USP39: variants seen among roughly 807,000 people sequenced by gnomAD.
USP39 encodes ubiquitin specific peptidase 39.
USP39 carries 38 observed loss-of-function variants against 66.4 expected under a neutral mutation model. The ratio of observed to expected loss-of-function variants is 0.57; its 90% CI spans 0.44 to 0.75. The LOEUF (loss-of-function observed/expected upper bound fraction) is 0.75. Among genes scored for constraint, USP39 ranks in the 30% least tolerant of loss-of-function variants. The pLI is 0.00. For missense variants in USP39, 608 were observed against 714.4 expected (o/e 0.85, Z 1.70); for synonymous variants, 303 against 274.6 (o/e 1.10, Z -1.02).
In USP39 at chr2:85,616,291, A is replaced by T; in HGVS notation, c.96A>T (p.Arg32=). The change falls in exon 1 of 13, where the codon CGA becomes CGT. Residue 32 remains arginine (R), a synonymous_variant. Coordinates refer to ENST00000323701, the MANE Select transcript of USP39 (RefSeq NM_006590.4). ...RGSSGRVKRE[R]DREREPEAAS... is the part of the protein sequence containing the mutation. Reference sequence around the variant, plus strand: ...GCTCCGGTCGCGTCAAGCGGGAGCGAGATCGGGAGCGGGAGCCTGAGGCGG... The same window carrying T: ...GCTCCGGTCGCGTCAAGCGGGAGCGTGATCGGGAGCGGGAGCCTGAGGCGG... The T allele has an allele frequency of 6.4e-7, 1 of 1,564,806 alleles. No homozygotes were observed.
intron 8 of USP39, among the ~76,000 whole-genome samples, chr2:85,638,365 A>T (rs1675953642): frequency 6.6e-6 from 1 of 150,558 alleles, no homozygotes; most frequent in Non-Finnish European, 1.5e-5. Context: ...TTGAGACAAG[A>T]TCTCTGTCAC....
At chr2:85,634,594 C>G (rs2104314902) in intron 6 of USP39, among the ~76,000 whole-genome samples, 1 of 152,210 alleles carries the variant, frequency 6.6e-6, no homozygotes, top group South Asian at 2.1e-4. Flanking sequence ...AATCTGGGTG[C>G]CTCACCCTTC....
intron 7 of USP39, 34 bp downstream of exon 7, chr2:85,636,164 G>C (rs1369213286): frequency 6.2e-7 from 1 of 1,603,994 alleles, no homozygotes; most frequent in Non-Finnish European, 8.5e-7. Flanking sequence ...GAGTTATTTT[G>C]TTCCCTTTTA....
chr2:85,643,733 C>T lies in USP39; in HGVS notation c.1428-1215C>T, dbSNP rs533763740. Among the ~76,000 whole-genome samples the T allele has an allele frequency of 2.4e-3, 363 of 150,858 alleles. 1 individual carries two copies. The highest frequency in any genetic ancestry group is 8.5e-3 in the African/African-American group (349 of 41,148). On this transcript the variant is annotated intron_variant, in intron 10 of 12. Coordinates refer to ENST00000323701, the MANE Select transcript of USP39 (RefSeq NM_006590.4). ...CGTTATCTCGGCTCACTGCAACCTT[C>T]GCCTCCTGGGTTCAAGCAATTCTCC...
chr2:85,631,755 G>GT (rs1210743169), intron 6 of USP39, among the ~76,000 whole-genome samples: 2 of 151,554 alleles, frequency 1.3e-5, no homozygotes, highest in East Asian at 3.9e-4. Context: ...GTTTTGTTTT[G>GT]TTTGTTTTTT....
rs375526185 is a variant in USP39, at chr2:85,646,954, C to G, written c.1564-976C>G. ...CCAGGATGGAATGCAGTGGCATGAT[C>G]TTGGCTCACTGCAACCTCCACCTCC... On this transcript the variant is annotated intron_variant, in intron 11 of 12. Coordinates refer to ENST00000323701, the MANE Select transcript of USP39 (RefSeq NM_006590.4). Among the ~76,000 whole-genome samples the G allele has an allele frequency of 3.5e-4, 49 of 138,908 alleles. 1 individual carries two copies. In the South Asian group the frequency reaches 1.0e-2, roughly 28 times the overall value. 91.1% of individuals were successfully genotyped at this position (138,908 alleles called of 152,430 possible).
At chr2:85,609,004 G>A (rs1158834710), upstream of USP39, 13 of 1,614,214 alleles carry the variant, frequency 8.1e-6, no homozygotes, top group East Asian at 2.2e-5. Context: ...AGGGCTTCTC[G>A]CATGGGTGGA....
At chr2:85,631,010 C>T in intron 6 of USP39, 64 bp downstream of exon 6, 2 of 1,537,288 alleles carry the variant, frequency 1.3e-6, no homozygotes, top group East Asian at 2.3e-5. Flanking sequence ...TTTATTTCCA[C>T]TTGGCAGTGA....
rs1256657446 is a variant in USP39 at position 85,621,467 on chromosome 2, T to C, written c.339-18T>C. 3.7e-6 allele frequency: 6 copies of C among 1,611,776 alleles called. No individual in the cohort carries two copies. In the East Asian group the frequency reaches 8.9e-5, roughly 24 times the overall value. ...TACATGTCCATCCTATTTATTTTTTTCTGTTTTGTTTCCTTAGGAGTGTGC... is the reference window on the plus strand; with the variant it reads ...TACATGTCCATCCTATTTATTTTTTCCTGTTTTGTTTCCTTAGGAGTGTGC... On this transcript the variant is annotated intron_variant, in intron 2 of 12. Coordinates refer to ENST00000323701, the MANE Select transcript of USP39 (RefSeq NM_006590.4).
chr2:85,635,814 G>T (rs558612388), intron 6 of USP39, among the ~76,000 whole-genome samples: 1 of 152,122 alleles, frequency 6.6e-6, no homozygotes, highest in African/African-American at 2.4e-5. Flanking sequence ...TGAGTGATGC[G>T]ATACAGTCCT....
At chr2:85,633,931 G>A (rs1042604392) in intron 6 of USP39, among the ~76,000 whole-genome samples, 48 of 132,962 alleles carry the variant, frequency 3.6e-4, no homozygotes, top group Non-Finnish European at 6.2e-4. Context: ...TCCGCCTCCC[G>A]GGTTCACGCC....
upstream of USP39, among the ~76,000 whole-genome samples, chr2:85,613,280 GGGCAGATCA>G (rs1187958163): frequency 6.6e-6 from 1 of 152,018 alleles, no homozygotes; most frequent in Non-Finnish European, 1.5e-5. Context: ...AGGCCCAGGC[GGGCAGATCA>G]AGAGGTCAGG....
intron 4 of USP39, among the ~76,000 whole-genome samples, chr2:85,624,541 C>A (rs1157500540): frequency 6.6e-6 from 1 of 152,138 alleles, no homozygotes; most frequent in Non-Finnish European, 1.5e-5. Flanking sequence ...GAGATGGAGT[C>A]TCACTGCATT....
chr2:85,623,907 T>C, intron 4 of USP39, 125 bp downstream of exon 4: 4 of 1,143,552 alleles, frequency 3.5e-6, no homozygotes, highest in Non-Finnish European at 4.9e-6. Flanking sequence ...GAGGCTGCTT[T>C]CTCTTTTGGG....
chr2:85,647,880 C>T (rs1302175074), intron 11 of USP39, 50 bp from the exon 12 acceptor site: 12 of 1,567,660 alleles, frequency 7.7e-6, no homozygotes, highest in Non-Finnish European at 1.1e-5. Context: ...CCTTCTACAC[C>T]CTTTTGGTTT....
upstream of USP39, among the ~76,000 whole-genome samples, chr2:85,609,234 G>A (rs1673348061): frequency 6.6e-6 from 1 of 152,234 alleles, no homozygotes; most frequent in South Asian, 2.1e-4. Context: ...TGGGGGCCAA[G>A]AGCCCTCCCT....
At chr2:85,631,276 G>T (rs990648495) in intron 6 of USP39, among the ~76,000 whole-genome samples, 4 of 150,404 alleles carry the variant, frequency 2.7e-5, no homozygotes, top group African/African-American at 9.8e-5. Flanking sequence ...GCCTCCCAAA[G>T]TGCTGGGGAT....
Position 85,639,119 on chromosome 2 carries a change from G to T in USP39, c.1096-84G>T, listed in dbSNP as rs956976927. The T allele has an allele frequency of 4.5e-6, 6 of 1,340,432 alleles. No homozygotes were observed. The African/African-American group carries it at 7.4e-5, about 16-fold the overall frequency. 83.0% of individuals were successfully genotyped at this position (1,340,432 alleles called of 1,614,324 possible). A position where few individuals can be genotyped will look rare whatever the true frequency, so the allele number is the denominator to read the frequency against. ...CTTTGTTCTTTCAGATGAAGGAAAT[G>T]TCGGCGTGGTAAAACATCGGTTCTG... On this transcript the variant is annotated intron_variant, in intron 8 of 12. Coordinates refer to ENST00000323701, the MANE Select transcript of USP39 (RefSeq NM_006590.4).
At chr2:85,648,344 G>A (rs770308023) in intron 12 of USP39, among the ~76,000 whole-genome samples, 7 of 152,126 alleles carry the variant, frequency 4.6e-5, no homozygotes, top group African/African-American at 7.2e-5. Context: ...GCTAGAAGTC[G>A]ACCACGAAGT....
Sources: allele counts gnomAD v4.1 joint callset (sites outside exome capture counted in the v4.1 genomes callset), GRCh38; gene constraint gnomAD v4.1.1; transcripts MANE v1.5; gene names NCBI Gene and HGNC (gene_info 2026-07-23, HGNC 2026-07-21).